Variants in TBX1 observed in about 807,000 individuals in gnomAD.
TBX1 encodes T-box transcription factor 1, also known as T-box transcription factor TBX1.
Under a neutral mutation model 40.8 loss-of-function variants are expected in TBX1, and 16 were observed. That is an observed-to-expected ratio of 0.39 (90% CI 0.27 to 0.60). The LOEUF is 0.60. Among genes scored for constraint, TBX1 ranks in the 20% least tolerant of loss-of-function variants. The probability of loss-of-function intolerance (pLI) is 0.51; values close to 1 mark genes in which losing one functional copy is unlikely to be tolerated. For synonymous variants in TBX1, 403 were observed against 336.8 expected (o/e 1.20, Z -2.15); for missense variants, 755 against 728.5 (o/e 1.04, Z -0.42).
chr22:19,763,451 G>A, intron 2 of TBX1, 109 bp downstream of exon 2: 1 of 984,982 alleles, frequency 1.0e-6, no homozygotes, highest in Non-Finnish European at 1.6e-6. Context: ...AAACTCTTTA[G>A]GCACCTGCGA....
downstream of TBX1, among the ~76,000 whole-genome samples, chr22:19,780,776 G>GGTTT (rs1555898567): frequency 7.3e-4 from 87 of 119,104 alleles, no homozygotes; most frequent in African/African-American, 2.9e-3. Context: ...CTTGTTTTCT[G>GGTTT]TTTTTTTTTT....
chr22:19,778,309 CAGGCTGGTCA>C (rs1211165843), intron 8 of TBX1, among the ~76,000 whole-genome samples: 2 of 152,038 alleles, frequency 1.3e-5, no homozygotes, highest in Non-Finnish European at 2.9e-5. Context: ...CTATGTTGCC[CAGGCTGGTCA>C]CAAACTCCTG....
upstream of TBX1, among the ~76,000 whole-genome samples, chr22:19,760,664 T>A (rs1750562573): frequency 1.3e-5 from 1 of 75,508 alleles, no homozygotes; most frequent in South Asian, 5.5e-4. Flanking sequence ...TCTAGTCCAT[T>A]GTCTCCGCGC....
At chr22:19,758,965 C>T (rs1936551756), upstream of TBX1, among the ~76,000 whole-genome samples, 1 of 152,212 alleles carries the variant, frequency 6.6e-6, no homozygotes, top group South Asian at 2.1e-4. Context: ...GTGCGAGAGC[C>T]CAAGCTGCCC....
downstream of TBX1, among the ~76,000 whole-genome samples, chr22:19,782,145 G>C (rs12484920): frequency 0.15 from 23,376 of 152,172 alleles, 2,404 homozygotes; most frequent in East Asian, 0.42. Context: ...AGGGGTCCTT[G>C]AGACTCCATA....
At chr22:19,783,053 C>T (rs938690983), downstream of TBX1, 1 of 825,126 alleles carries the variant, frequency 1.2e-6, no homozygotes, top group South Asian at 1.3e-5. Flanking sequence ...CCCGCTGTGC[C>T]CAGCCCCTGA....
intron 8 of TBX1, among the ~76,000 whole-genome samples, chr22:19,778,881 T>C (rs746834261): frequency 6.6e-6 from 1 of 152,130 alleles, no homozygotes; most frequent in Non-Finnish European, 1.5e-5. Flanking sequence ...ATTGCACCAC[T>C]GCACTCCAGC....
upstream of TBX1, chr22:19,759,617 C>A: frequency 1.2e-6 from 2 of 1,611,246 alleles, no homozygotes; most frequent in South Asian, 1.1e-5. Flanking sequence ...GGTGAAGCTT[C>A]GCTGGCTGCC....
rs1355638586 is a variant in TBX1 at position 19,761,049 on chromosome 22, C to T, written c.206C>T (p.Ala69Val). ...CCGTGCGCCGCCGCCGCCCCCGGCGCCCCGGGCCCGCCGCCGCCGCCGCAC... is the reference window on the plus strand; with the variant it reads ...CCGTGCGCCGCCGCCGCCCCCGGCGTCCCGGGCCCGCCGCCGCCGCCGCAC... Reference protein sequence around the residue: ...YDPCAAAAPGAPGPPPPPHAY... With the variant: ...YDPCAAAAPGVPGPPPPPHAY... The change falls in exon 1 of 7, where the codon GCC becomes GTC. Residue 69 changes from alanine to valine, a missense_variant. Physicochemically the swap from Ala to Val is moderately conservative, Grantham distance 64. Coordinates refer to ENST00000649276, the MANE Select transcript of TBX1 (RefSeq NM_001379200.1). 3.3e-6 allele frequency: 3 copies of T among 901,352 alleles called. No individual in the cohort carries two copies. Among genetic ancestry groups the T allele is most frequent in the African/African-American group, 3.7e-5 (2 of 54,646 alleles). The allele number at this position is 901,352 out of a possible 1,614,324, so 55.8% of individuals were successfully genotyped here. A position where few individuals can be genotyped will look rare whatever the true frequency, so the allele number is the denominator to read the frequency against.
At chr22:19,759,495 T>G, upstream of TBX1, 1 of 1,484,464 alleles carries the variant, frequency 6.7e-7, no homozygotes, top group South Asian at 1.3e-5. Context: ...CGGGCGCCTA[T>G]GGACGCGCGG....
downstream of TBX1, among the ~76,000 whole-genome samples, chr22:19,780,006 C>T (rs913880786): frequency 5.3e-5 from 8 of 152,206 alleles, no homozygotes; most frequent in African/African-American, 1.7e-4. Context: ...ATAAAATTGA[C>T]GTATTTATTG....
In TBX1 at chr22:19,772,446, C is replaced by T. The variant is rs1338330746; in HGVS notation, c.1009+6444C>T. On this transcript the variant is annotated intron_variant, in intron 8 of 8. Transcript: ENST00000329705. ...TCAGCCTCCTGATTAGCTGGGACTA[C>T]AGGCGTGTGCCACCACACCCTGCTA... Among the ~76,000 whole-genome samples the T allele has an allele frequency of 2.0e-5, 3 of 152,084 alleles. No individual in the cohort carries two copies. In the East Asian group the frequency reaches 5.8e-4, roughly 29 times the overall value.
At chr22:19,761,352 C>G in intron 1 of TBX1, 72 bp downstream of exon 1, 1 of 1,436,650 alleles carries the variant, frequency 7.0e-7, no homozygotes, top group Non-Finnish European at 9.2e-7. Flanking sequence ...TCCGCCTGAT[C>G]CGCGCGAGCG....
intron 8 of TBX1, among the ~76,000 whole-genome samples, chr22:19,774,275 C>T (rs1404637021): frequency 3.9e-5 from 6 of 152,124 alleles, no homozygotes; most frequent in African/African-American, 1.2e-4. Flanking sequence ...CCCGCCTGGG[C>T]GGGCCTAGGC....
chr22:19,773,662 C>T (rs1174720904), intron 8 of TBX1, among the ~76,000 whole-genome samples: 1 of 152,258 alleles, frequency 6.6e-6, no homozygotes, highest in African/African-American at 2.4e-5. Flanking sequence ...CCTCCACCTG[C>T]TCTCCTGGGT....
upstream of TBX1, chr22:19,759,443 C>T (rs562327958): frequency 7.4e-5 from 103 of 1,389,238 alleles, no homozygotes; most frequent in African/African-American, 1.4e-3. Context: ...GGGCGCGGTG[C>T]GGCTGGGCAC....
intron 1 of TBX1, among the ~76,000 whole-genome samples, chr22:19,762,160 C>T (rs1601285589): frequency 6.6e-6 from 1 of 152,338 alleles, no homozygotes; most frequent in East Asian, 1.9e-4. Flanking sequence ...CCTTGCTGTC[C>T]CCAGGCACAC....
At chr22:19,765,165 G>A (rs1304472992) in intron 4 of TBX1, 52 bp downstream of exon 4, 1 of 1,613,222 alleles carries the variant, frequency 6.2e-7, no homozygotes, top group Admixed American at 1.7e-5. Flanking sequence ...TGGAAAAGCG[G>A]GTGTAATTTT....
intron 2 of TBX1, chr22:19,763,597 C>A: frequency 1.8e-6 from 1 of 543,372 alleles, no homozygotes; most frequent in Non-Finnish European, 3.3e-6. Context: ...TGGTGTGGCC[C>A]TAGGGTGGTC....
Sources: gnomAD v4.1 joint callset for allele counts (sites outside exome capture counted in the v4.1 genomes callset) on GRCh38, gnomAD v4.1.1 for gene constraint, MANE v1.5 for transcripts, NCBI Gene and HGNC (gene_info 2026-07-23, HGNC 2026-07-21) for gene names.